AP1G1: variants seen among roughly 807,000 people sequenced by gnomAD.
AP1G1 encodes the protein adaptor related protein complex 1 subunit gamma 1.
In AP1G1, 7 loss-of-function variants were observed where a neutral mutation model predicts 108.3. The observed-to-expected ratio is 0.06, with a 90% CI of 0.04 to 0.12. AP1G1 has a LOEUF of 0.12. Among genes scored for constraint, AP1G1 ranks in the 10% least tolerant of loss-of-function variants. AP1G1 has a pLI of 1.00. For synonymous variants in AP1G1, 379 were observed against 353.5 expected, an observed-to-expected ratio of 1.07 and a Z score of -0.81; for missense variants, 756 against 1,010.7, an observed-to-expected ratio of 0.75 and a Z score of 3.42.
rs942582131 is a variant in AP1G1 at position 71,731,121 on chromosome 16, C to T, written c.*1937G>A. 1 of 152,558 alleles carries T rather than the reference C, an allele frequency of 6.6e-6. No homozygotes were observed. The highest frequency in any genetic ancestry group is 1.5e-5 in the Non-Finnish European group (1 of 68,042). The allele number at this position is 152,558 out of a possible 1,614,324, so 9.5% of individuals were successfully genotyped here. On this transcript the variant is annotated 3_prime_UTR_variant, in exon 23 of 23. Transcript: ENST00000299980. Reference sequence around the variant, plus strand: ...CCAATGAAATCAGTCTGCAAAGAAACCCTTAAAGGCTATTTTTCATTGCAC... The same window carrying T: ...CCAATGAAATCAGTCTGCAAAGAAATCCTTAAAGGCTATTTTTCATTGCAC...
intron 13 of AP1G1, 127 bp from the exon 14 acceptor site, chr16:71,750,459 G>C (rs2030424792): frequency 1.7e-6 from 2 of 1,189,158 alleles, no homozygotes; most frequent in African/African-American, 1.5e-5. Context: ...CTGTCACCCA[G>C]GCTGGAGTGC....
intron 2 of AP1G1, among the ~76,000 whole-genome samples, chr16:71,782,703 G>C (rs1244227134): frequency 6.6e-6 from 1 of 151,796 alleles, no homozygotes; most frequent in Non-Finnish European, 1.5e-5. Context: ...GGCCAGGATG[G>C]TATTGAACTC....
At chr16:71,808,205 A>AACAAAT (rs377501272) in intron 1 of AP1G1, 5 of 976,590 alleles carry the variant, frequency 5.1e-6, no homozygotes, top group Non-Finnish European at 5.9e-6. Flanking sequence ...ACAAAACAAC[A>AACAAAT]ACATATACAC....
intron 2 of AP1G1, among the ~76,000 whole-genome samples, chr16:71,783,060 T>C (rs1237007111): frequency 1.3e-5 from 2 of 152,252 alleles, no homozygotes; most frequent in African/African-American, 4.8e-5. Context: ...TTTCAAGGAA[T>C]AGTACTAGCT....
At chr16:71,769,766 T>A (rs1300792054) in intron 5 of AP1G1, 67 bp from the exon 6 acceptor site, 1 of 1,335,584 alleles carries the variant, frequency 7.5e-7, no homozygotes, top group Non-Finnish European at 1.1e-6. Context: ...AACAGGACTT[T>A]GAGTTCCTGA....
chr16:71,784,611 T>C (rs568944845), intron 2 of AP1G1, among the ~76,000 whole-genome samples: 3 of 151,990 alleles, frequency 2.0e-5, no homozygotes, highest in Non-Finnish European at 4.4e-5. Context: ...CAGGCTGGAG[T>C]GCAATGGTAT....
intron 9 of AP1G1, 107 bp from the exon 10 acceptor site, chr16:71,761,674 C>CAAA: frequency 6.1e-6 from 4 of 657,242 alleles, no homozygotes; most frequent in Non-Finnish European, 9.8e-6. Flanking sequence ...AGACTGCTAG[C>CAAA]AAAAAAAAAA....
intron 3 of AP1G1, 134 bp from the exon 4 acceptor site, chr16:71,773,496 G>A: frequency 2.2e-6 from 2 of 896,678 alleles, no homozygotes; most frequent in Non-Finnish European, 3.1e-6. Context: ...TGCAGAAAAT[G>A]TTTATCCCAA....
chr16:71,767,200 G>C (rs185286981), intron 6 of AP1G1, among the ~76,000 whole-genome samples: 1 of 152,114 alleles, frequency 6.6e-6, no homozygotes, highest in Non-Finnish European at 1.5e-5. Flanking sequence ...ATTACCCTGG[G>C]ACACAGAGCA....
rs117456408 is a variant in AP1G1, at chr16:71,765,455, A to G, written c.738+34T>C. ...GTCTACTTAAAGATATTAAATTCAT[A>G]TAACATTTATTTAAAACGTTCTTTC... On this transcript the variant is annotated intron_variant, in intron 7 of 22. Coordinates refer to ENST00000299980, the MANE Select transcript of AP1G1 (RefSeq NM_001128.6). 8.9e-4 allele frequency: 1,296 copies of G among 1,453,454 alleles called. 32 individuals carry two copies. In the East Asian group the frequency reaches 0.029, roughly 32 times the overall value. The allele number at this position is 1,453,454 out of a possible 1,614,324, so 90.0% of individuals were successfully genotyped here.
chr16:71,746,796 T>G, intron 16 of AP1G1, 104 bp from the exon 17 acceptor site: 1 of 737,024 alleles, frequency 1.4e-6, no homozygotes, highest in Non-Finnish European at 2.2e-6. Context: ...AATACTGAAA[T>G]ACTCATTTTT....
At chr16:71,786,054 A>G (rs1376106793) in intron 2 of AP1G1, among the ~76,000 whole-genome samples, 1 of 152,218 alleles carries the variant, frequency 6.6e-6, no homozygotes, top group Non-Finnish European at 1.5e-5. Flanking sequence ...ATTGAAACAG[A>G]GGAAACAGAA....
At chr16:71,806,011 G>A (rs970702281) in intron 1 of AP1G1, among the ~76,000 whole-genome samples, 60 of 144,882 alleles carry the variant, frequency 4.1e-4, no homozygotes, top group African/African-American at 1.5e-3. Flanking sequence ...GTGAGACCCT[G>A]TCTCAAACAA....
intron 19 of AP1G1, among the ~76,000 whole-genome samples, chr16:71,739,776 G>A (rs1412013421): frequency 6.6e-6 from 1 of 150,964 alleles, no homozygotes; most frequent in African/African-American, 2.4e-5. Flanking sequence ...AAGAGAGAGA[G>A]CCCACAGACA....
chr16:71,780,864 G>C (rs1260567825), intron 2 of AP1G1, among the ~76,000 whole-genome samples: 1 of 151,112 alleles, frequency 6.6e-6, no homozygotes, highest in Non-Finnish European at 1.5e-5. Context: ...TGTCGCCCAG[G>C]CTGGAGCGGG....
intron 16 of AP1G1, among the ~76,000 whole-genome samples, chr16:71,747,604 C>T (rs1190944247): frequency 6.6e-6 from 1 of 150,754 alleles, no homozygotes; most frequent in African/African-American, 2.4e-5. Flanking sequence ...ATATAAAATA[C>T]AAATAAACCA....
chr16:71,746,563 G>A (rs768880841), intron 17 of AP1G1, 25 bp downstream of exon 17: 5 of 1,371,000 alleles, frequency 3.6e-6, no homozygotes, highest in Admixed American at 1.8e-5. Context: ...AGAGATACAC[G>A]CATTGCTTAG....
intron 1 of AP1G1, among the ~76,000 whole-genome samples, chr16:71,799,563 T>C (rs1370918109): frequency 1.3e-5 from 2 of 151,654 alleles, no homozygotes. Flanking sequence ...AGTCCAGGAG[T>C]TTGAGACCAG....
At chr16:71,758,280 CACT>C (rs2030902904) in intron 11 of AP1G1, 4 of 376,304 alleles carry the variant, frequency 1.1e-5, no homozygotes, top group Non-Finnish European at 2.2e-5. Context: ...AGAATTACTC[CACT>C]GAGGGAAGAG....
Sources: gnomAD v4.1 joint callset for allele counts (sites outside exome capture counted in the v4.1 genomes callset) on GRCh38, gnomAD v4.1.1 for gene constraint, MANE v1.5 for transcripts, NCBI Gene and HGNC (gene_info 2026-07-23, HGNC 2026-07-21) for gene names.